Variants in PCDH9 observed in about 807,000 individuals in gnomAD.
The protein encoded by PCDH9 is protocadherin 9, also known as protocadherin-9.
Under a neutral mutation model 70.6 loss-of-function variants are expected in PCDH9, and 24 were observed. The ratio of observed to expected loss-of-function variants is 0.34; its 90% CI spans 0.25 to 0.48. PCDH9 has a LOEUF of 0.48. Among genes scored for constraint, PCDH9 ranks in the 20% least tolerant of loss-of-function variants. The probability of loss-of-function intolerance (pLI) is 0.99; values close to 1 mark genes in which losing one functional copy is unlikely to be tolerated. For missense variants in PCDH9, 1,281 were observed against 1,503.6 expected, an observed-to-expected ratio of 0.85 and a Z score of 2.45; for synonymous variants, 562 against 558.5, an observed-to-expected ratio of 1.01 and a Z score of -0.09.
chr13:66,554,752 G>GA (rs1021882176), intron 4 of PCDH9, among the ~76,000 whole-genome samples: 2 of 151,850 alleles, frequency 1.3e-5, no homozygotes, highest in Admixed American at 6.6e-5. Context: ...AACATTTGGA[G>GA]AAAAAATAAA....
At chr13:66,675,914 A>G (rs116652775) in intron 3 of PCDH9, among the ~76,000 whole-genome samples, 2,003 of 152,114 alleles carry the variant, frequency 0.013, 52 homozygotes, top group African/African-American at 0.045. Flanking sequence ...TCTTTCCCAT[A>G]ATTATTGTCT....
At chr13:67,185,472 T>C (rs1408094950) in intron 2 of PCDH9, among the ~76,000 whole-genome samples, 1 of 152,208 alleles carries the variant, frequency 6.6e-6, no homozygotes, top group African/African-American at 2.4e-5. Flanking sequence ...CATAATAGAT[T>C]TCTTAAGAAG....
intron 4 of PCDH9, among the ~76,000 whole-genome samples, chr13:66,331,239 A>G (rs188794766): frequency 6.6e-6 from 1 of 152,294 alleles, no homozygotes; most frequent in African/African-American, 2.4e-5. Context: ...ACAAGACTCC[A>G]TGGTTTCCAT....
At chr13:66,926,709 T>C (rs1177249397) in intron 2 of PCDH9, among the ~76,000 whole-genome samples, 2 of 152,092 alleles carry the variant, frequency 1.3e-5, no homozygotes, top group Non-Finnish European at 2.9e-5. Context: ...CAGAACAGCA[T>C]TTTGAAGAGG....
intron 4 of PCDH9, among the ~76,000 whole-genome samples, chr13:66,619,251 A>T (rs1382676709): frequency 6.6e-6 from 1 of 152,188 alleles, no homozygotes; most frequent in African/African-American, 2.4e-5. Flanking sequence ...TTAAAATCAT[A>T]AAGTGAGCAT....
intron 2 of PCDH9, among the ~76,000 whole-genome samples, chr13:66,945,546 C>T (rs1422190604): frequency 6.6e-6 from 1 of 152,134 alleles, no homozygotes; most frequent in Non-Finnish European, 1.5e-5. Context: ...TGTATCCATA[C>T]ATTTTAATGG....
chr13:67,196,552 T>C (rs896259886), intron 2 of PCDH9, among the ~76,000 whole-genome samples: 16 of 152,056 alleles, frequency 1.1e-4, no homozygotes, highest in Admixed American at 6.6e-5. Context: ...ATAGTGTAAA[T>C]GTATGGAGAA....
chr13:66,609,223 T>C (rs1185886983), intron 4 of PCDH9, among the ~76,000 whole-genome samples: 1 of 152,124 alleles, frequency 6.6e-6, no homozygotes, highest in Non-Finnish European at 1.5e-5. Context: ...TGCAGTTAAT[T>C]TGGAAGACAA....
intron 3 of PCDH9, among the ~76,000 whole-genome samples, chr13:66,769,286 T>C (rs560154181): frequency 4.9e-4 from 74 of 152,240 alleles, no homozygotes; most frequent in Non-Finnish European, 9.3e-4. Flanking sequence ...CATGGATTAA[T>C]TGGGATGCAA....
chr13:66,626,571 C>G (rs1056205295), intron 4 of PCDH9, among the ~76,000 whole-genome samples: 1 of 151,904 alleles, frequency 6.6e-6, no homozygotes, highest in East Asian at 1.9e-4. Flanking sequence ...TTGATGATAA[C>G]GATCCTCTGG....
At chr13:67,022,292 T>G (rs1460027305) in intron 2 of PCDH9, among the ~76,000 whole-genome samples, 4 of 151,818 alleles carry the variant, frequency 2.6e-5, no homozygotes, top group Non-Finnish European at 5.9e-5. Context: ...CTGGCTAATT[T>G]TGTATTTTTG....
chr13:67,055,456 T>G (rs2085399665), intron 2 of PCDH9, among the ~76,000 whole-genome samples: 1 of 152,122 alleles, frequency 6.6e-6, no homozygotes, highest in South Asian at 2.1e-4. Context: ...CCCTTAAGAT[T>G]TTTGGCTTGA....
intron 2 of PCDH9, among the ~76,000 whole-genome samples, chr13:66,994,762 A>G (rs2084076228): frequency 6.6e-6 from 1 of 152,152 alleles, no homozygotes; most frequent in Admixed American, 6.5e-5. Flanking sequence ...TCGGTGCTTC[A>G]GTGACATTCT....
At position 66,934,872 on chromosome 13, in the gene PCDH9, T is replaced by C. The variant is rs1364368070; in HGVS notation, c.3037-31267A>G. Among the ~76,000 whole-genome samples the C allele has an allele frequency of 1.6e-3, 230 of 147,148 alleles. 2 individuals are homozygous for C. The highest frequency in any genetic ancestry group is 2.8e-3 in the African/African-American group (112 of 40,274). Reference sequence around the variant, plus strand: ...AGTAGCTGGGACTACAGGCGCCCGCTACCACGCCCGGCTAATTTTTTGTAT... The same window carrying C: ...AGTAGCTGGGACTACAGGCGCCCGCCACCACGCCCGGCTAATTTTTTGTAT... On this transcript the variant is annotated intron_variant, in intron 2 of 4. Transcript: ENST00000377865.
intron 2 of PCDH9, among the ~76,000 whole-genome samples, chr13:67,110,441 G>A (rs2086635463): frequency 6.7e-6 from 1 of 148,332 alleles, no homozygotes; most frequent in African/African-American, 2.5e-5. Flanking sequence ...CTGAACCCAG[G>A]AGGCTGAGGT....
chr13:67,065,335 A>ATAGAATACATGAAAACAAATAT (rs2085626168), intron 2 of PCDH9, among the ~76,000 whole-genome samples: 1 of 152,192 alleles, frequency 6.6e-6, no homozygotes, highest in Admixed American at 6.5e-5. Context: ...TCTAATTTTA[A>ATAGAATACATGAAAACAAATAT]TAGAATACAT....
chr13:66,735,706 G>A (rs1453338679), intron 3 of PCDH9, among the ~76,000 whole-genome samples: 2 of 152,182 alleles, frequency 1.3e-5, no homozygotes. Flanking sequence ...GCTCATGCCT[G>A]CAATCCCAGC....
intron 3 of PCDH9, among the ~76,000 whole-genome samples, chr13:66,794,968 C>T (rs1393924357): frequency 1.9e-5 from 1 of 53,888 alleles, no homozygotes; most frequent in Non-Finnish European, 4.0e-5. Flanking sequence ...CCCAAACGGA[C>T]ACACACAGGC....
chr13:66,578,078 T>C (rs1019976294), intron 4 of PCDH9, among the ~76,000 whole-genome samples: 2 of 152,118 alleles, frequency 1.3e-5, no homozygotes, highest in African/African-American at 4.8e-5. Flanking sequence ...GTTTATTTTA[T>C]GTATTTTCCC....
Sources: allele counts gnomAD v4.1 joint callset (sites outside exome capture counted in the v4.1 genomes callset), GRCh38; gene constraint gnomAD v4.1.1; transcripts MANE v1.5; gene names NCBI Gene and HGNC (gene_info 2026-07-23, HGNC 2026-07-21).